EBF1: variants seen among roughly 807,000 people sequenced by gnomAD.
EBF1 encodes transcription factor COE1.
EBF1 carries 10 observed loss-of-function variants against 68.4 expected under a neutral mutation model. The ratio of observed to expected loss-of-function variants is 0.15; its 90% CI spans 0.09 to 0.25. EBF1 has a LOEUF of 0.25. Among genes scored for constraint, EBF1 ranks in the 10% least tolerant of loss-of-function variants. The pLI is 1.00. For missense variants in EBF1, 509 were observed against 794.4 expected (o/e 0.64, Z 4.32); for synonymous variants, 298 against 299.8 (o/e 0.99, Z 0.06).
chr5:158,811,424 T>C (rs1180977658), intron 8 of EBF1, among the ~76,000 whole-genome samples: 1 of 152,164 alleles, frequency 6.6e-6, no homozygotes, highest in African/African-American at 2.4e-5. Context: ...GAAAAAACAG[T>C]GGTGAGGACC....
At chr5:159,009,917 G>C (rs1186850383) in intron 6 of EBF1, among the ~76,000 whole-genome samples, 2 of 152,116 alleles carry the variant, frequency 1.3e-5, no homozygotes, top group African/African-American at 2.4e-5. Flanking sequence ...GTTAGATTTT[G>C]AAAGTGCATC....
intron 6 of EBF1, among the ~76,000 whole-genome samples, chr5:158,846,261 A>T (rs1053972418): frequency 5.3e-5 from 8 of 152,178 alleles, no homozygotes; most frequent in African/African-American, 1.7e-4. Context: ...CTGGAGGGTA[A>T]ACAGCAAAAT....
chr5:158,850,568 G>T (rs889773956), intron 6 of EBF1, among the ~76,000 whole-genome samples: 1 of 152,216 alleles, frequency 6.6e-6, no homozygotes, highest in African/African-American at 2.4e-5. Context: ...GAATTTTGAT[G>T]CACACTAAAG....
At chr5:158,976,167 G>A (rs551753928) in intron 6 of EBF1, among the ~76,000 whole-genome samples, 2 of 152,294 alleles carry the variant, frequency 1.3e-5, no homozygotes, top group African/African-American at 4.8e-5. Flanking sequence ...TAGCAAAGTA[G>A]TGATTCATTG....
At chr5:159,059,765 C>T (rs1775460912) in intron 6 of EBF1, among the ~76,000 whole-genome samples, 1 of 152,044 alleles carries the variant, frequency 6.6e-6, no homozygotes, top group Non-Finnish European at 1.5e-5. Flanking sequence ...CAAGGGGGGA[C>T]CAGGCTGATA....
intron 6 of EBF1, among the ~76,000 whole-genome samples, chr5:158,886,479 T>TG (rs1800075351): frequency 6.6e-6 from 1 of 152,228 alleles, no homozygotes; most frequent in Non-Finnish European, 1.5e-5. Context: ...TGTACAGATT[T>TG]GGGGGTAAAA....
intron 6 of EBF1, among the ~76,000 whole-genome samples, chr5:159,058,297 C>T (rs559085730): frequency 6.6e-6 from 1 of 152,256 alleles, no homozygotes; most frequent in African/African-American, 2.4e-5. Context: ...GAATAAAGAT[C>T]CTGTATTTCA....
At chr5:158,799,389 TCC>T (rs1780170382) in intron 8 of EBF1, among the ~76,000 whole-genome samples, 2 of 151,856 alleles carry the variant, frequency 1.3e-5, no homozygotes, top group Admixed American at 1.3e-4. Flanking sequence ...ACCACTGTAC[TCC>T]AGACAGAGTG....
At chr5:158,807,342 G>A (rs977494541) in intron 8 of EBF1, among the ~76,000 whole-genome samples, 1 of 152,130 alleles carries the variant, frequency 6.6e-6, no homozygotes, top group African/African-American at 2.4e-5. Flanking sequence ...GTGGCTAAAT[G>A]TAGAGTATGT....
intron 6 of EBF1, among the ~76,000 whole-genome samples, chr5:158,973,290 T>C (rs947348710): frequency 2.6e-5 from 4 of 152,128 alleles, no homozygotes; most frequent in African/African-American, 9.7e-5. Context: ...ACCCTCTTGA[T>C]GCACCTTTTT....
intron 6 of EBF1, among the ~76,000 whole-genome samples, chr5:158,922,162 T>A (rs374222123): frequency 2.0e-5 from 3 of 152,236 alleles, no homozygotes; most frequent in South Asian, 4.1e-4. Flanking sequence ...GGCTATACCA[T>A]CTGTGCCGTT....
chr5:158,810,255 T>C (rs1782404629), intron 8 of EBF1, among the ~76,000 whole-genome samples: 1 of 152,140 alleles, frequency 6.6e-6, no homozygotes, highest in African/African-American at 2.4e-5. Context: ...CCACGGATAA[T>C]ACACCCAACA....
chr5:158,722,733 A>G (rs142128705), intron 11 of EBF1, among the ~76,000 whole-genome samples: 64 of 152,308 alleles, frequency 4.2e-4, no homozygotes, highest in African/African-American at 1.5e-3. Context: ...TATAACTGCA[A>G]TTAAAATCCA....
At chr5:158,702,535 GACAAA>G (rs1314697776) in intron 15 of EBF1, among the ~76,000 whole-genome samples, 1 of 151,902 alleles carries the variant, frequency 6.6e-6, no homozygotes, top group Non-Finnish European at 1.5e-5. Context: ...TAAAAACAAA[GACAAA>G]ACAAAGTTCT....
At chr5:158,921,893 A>G (rs1324296293) in intron 6 of EBF1, among the ~76,000 whole-genome samples, 1 of 152,210 alleles carries the variant, frequency 6.6e-6, no homozygotes, top group Admixed American at 6.5e-5. Flanking sequence ...CAGTTGCTCT[A>G]TCTTTGGTTT....
chr5:158,848,373 A>G (rs1185289870), intron 6 of EBF1, among the ~76,000 whole-genome samples: 2 of 152,224 alleles, frequency 1.3e-5, no homozygotes, highest in Non-Finnish European at 2.9e-5. Context: ...AGCCAGCATA[A>G]TCATTTCACT....
intron 8 of EBF1, among the ~76,000 whole-genome samples, chr5:158,816,182 T>C (rs2127820090): frequency 6.6e-6 from 1 of 152,354 alleles, no homozygotes; most frequent in East Asian, 1.9e-4. Context: ...AAGCTATGCA[T>C]CATCCATCAT....
intron 11 of EBF1, among the ~76,000 whole-genome samples, chr5:158,721,336 A>G (rs1351644340): frequency 6.6e-6 from 1 of 152,198 alleles, no homozygotes; most frequent in Non-Finnish European, 1.5e-5. Flanking sequence ...TAACGCGGCT[A>G]TATCAACGTA....
chr5:158,777,527 G>A lies in EBF1; in HGVS notation c.922C>T (p.His308Tyr). 2 of 1,607,396 alleles carry A rather than the reference G, an allele frequency of 1.2e-6. No individual in the cohort carries two copies. Among genetic ancestry groups the A allele is most frequent in the Non-Finnish European group, 1.7e-6 (2 of 1,176,862 alleles). Residue 308 changes from histidine (H) to tyrosine (Y), a missense_variant, in exon 10 of 16, where the codon CAT becomes TAT. By Grantham distance (83) the His-to-Tyr change is moderately conservative. Transcript: ENST00000313708. ...MLVWSELITP[H>Y]AIRVQTPPRH... ...GGAGGGGTCTGCACACGGATGGCAT[G>A]AGGAGTGATCAACTGGAGGAGACAT... is the stretch of plus-strand genomic sequence containing the variant.
Sources: allele counts gnomAD v4.1 joint callset (sites outside exome capture counted in the v4.1 genomes callset), GRCh38; gene constraint gnomAD v4.1.1; transcripts MANE v1.5; gene names NCBI Gene and HGNC (gene_info 2026-07-23, HGNC 2026-07-21).